Variants in LINGO2 observed in about 807,000 individuals in gnomAD.
The protein encoded by LINGO2 is leucine-rich repeat and immunoglobulin-like domain-containing nogo receptor-interacting protein 2.
LINGO2 carries 14 observed loss-of-function variants against 30.6 expected under a neutral mutation model. That is an observed-to-expected ratio of 0.46 (90% confidence interval 0.30 to 0.72). LINGO2 has a LOEUF of 0.72. Among genes scored for constraint, LINGO2 ranks in the 30% least tolerant of loss-of-function variants. The pLI, the probability that LINGO2 is intolerant of heterozygous loss-of-function variation, is 0.07. For synonymous variants in LINGO2, 317 were observed against 288.5 expected (o/e 1.10, Z -1.00); for missense variants, 729 against 751.7 (o/e 0.97, Z 0.35).
intron 4 of LINGO2, among the ~76,000 whole-genome samples, chr9:28,054,059 G>C (rs1824802677): frequency 6.8e-6 from 1 of 146,292 alleles, no homozygotes; most frequent in African/African-American, 2.7e-5. Context: ...AGCCCAGCTA[G>C]CAGACAAAAA....
the LINGO2 span, among the ~76,000 whole-genome samples, chr9:29,139,133 A>T: frequency 6.6e-6 from 1 of 152,192 alleles, no homozygotes; most frequent in Admixed American, 6.6e-5. Flanking sequence ...TCCAGCCAAC[A>T]TCAAGAAAGA....
the LINGO2 span, among the ~76,000 whole-genome samples, chr9:29,001,159 G>C: frequency 6.6e-6 from 1 of 151,660 alleles, no homozygotes; most frequent in African/African-American, 2.4e-5. Flanking sequence ...ACTTACTCTG[G>C]ATCATAGTCA....
the LINGO2 span, among the ~76,000 whole-genome samples, chr9:29,201,681 T>A: frequency 6.6e-6 from 1 of 152,164 alleles, no homozygotes; most frequent in South Asian, 2.1e-4. Context: ...AGAAAAGTGA[T>A]GTAAATTATT....
At chr9:27,970,548 G>A (rs1480738719) in intron 5 of LINGO2, among the ~76,000 whole-genome samples, 3 of 152,084 alleles carry the variant, frequency 2.0e-5, no homozygotes, top group Non-Finnish European at 4.4e-5. Context: ...TTACAGTAAG[G>A]GGTTTGCATT....
At chr9:29,153,021 C>T in the LINGO2 span, among the ~76,000 whole-genome samples, 1 of 151,964 alleles carries the variant, frequency 6.6e-6, no homozygotes, top group African/African-American at 2.4e-5. Flanking sequence ...AGGCATACGA[C>T]TACAGAGTTC....
the LINGO2 span, among the ~76,000 whole-genome samples, chr9:29,135,622 C>A: frequency 6.6e-6 from 1 of 151,002 alleles, no homozygotes; most frequent in Non-Finnish European, 1.5e-5. Flanking sequence ...TACATTTAGA[C>A]ATTTAACTTC....
chr9:28,586,446 C>G (rs948629100), intron 1 of LINGO2, among the ~76,000 whole-genome samples: 1 of 151,922 alleles, frequency 6.6e-6, no homozygotes. Flanking sequence ...CCTTTACAGC[C>G]TCCCCCATTT....
chr9:28,895,203 GA>G, the LINGO2 span, among the ~76,000 whole-genome samples: 107 of 152,008 alleles, frequency 7.0e-4, no homozygotes, highest in African/African-American at 2.5e-3. Flanking sequence ...AAGCCAGTTT[GA>G]AAAAAACAGT....
the LINGO2 span, among the ~76,000 whole-genome samples, chr9:29,075,615 G>A: frequency 6.6e-6 from 1 of 151,762 alleles, no homozygotes. Context: ...TCATCTCATT[G>A]GCAAAATGAT....
At chr9:28,806,020 G>A in the LINGO2 span, among the ~76,000 whole-genome samples, 2 of 152,096 alleles carry the variant, frequency 1.3e-5, no homozygotes, top group Non-Finnish European at 2.9e-5. Context: ...CACAGAATGT[G>A]TATGAAAATG....
At chr9:28,689,909 A>T in the LINGO2 span, among the ~76,000 whole-genome samples, 704 of 152,248 alleles carry the variant, frequency 4.6e-3, 6 homozygotes, top group Non-Finnish European at 7.2e-3. Context: ...ATGAGATCAC[A>T]TCCTTTGTAG....
At chr9:28,627,508 C>A (rs1424624605) in intron 1 of LINGO2, among the ~76,000 whole-genome samples, 1 of 152,010 alleles carries the variant, frequency 6.6e-6, no homozygotes, top group African/African-American at 2.4e-5. Flanking sequence ...CTTTTCTGCA[C>A]TAAAATATGG....
At chr9:28,815,034 A>T in the LINGO2 span, among the ~76,000 whole-genome samples, 23 of 151,740 alleles carry the variant, frequency 1.5e-4, no homozygotes, top group African/African-American at 5.1e-4. Flanking sequence ...TGAAAACTAA[A>T]GAGGAATTTT....
At chr9:28,830,271 A>G in the LINGO2 span, among the ~76,000 whole-genome samples, 1 of 152,146 alleles carries the variant, frequency 6.6e-6, no homozygotes, top group Admixed American at 6.5e-5. Flanking sequence ...ATGAAAGTTC[A>G]TTCCGGCAAT....
chr9:28,936,345 T>C, the LINGO2 span, among the ~76,000 whole-genome samples: 1 of 152,196 alleles, frequency 6.6e-6, no homozygotes, highest in Non-Finnish European at 1.5e-5. Flanking sequence ...AAGTCCATGA[T>C]CTGAGCAGGA....
chr9:28,566,012 T>A (rs544033180), intron 1 of LINGO2, among the ~76,000 whole-genome samples: 1 of 152,096 alleles, frequency 6.6e-6, no homozygotes, highest in African/African-American at 2.4e-5. Flanking sequence ...TTTGTGAAAC[T>A]TTTTTTCATT....
At chr9:28,378,933 A>C (rs1435879523) in intron 2 of LINGO2, among the ~76,000 whole-genome samples, 1 of 152,128 alleles carries the variant, frequency 6.6e-6, no homozygotes, top group Non-Finnish European at 1.5e-5. Flanking sequence ...AGTGACTGTC[A>C]GTACACAGTA....
intron 1 of LINGO2, among the ~76,000 whole-genome samples, chr9:28,625,803 A>T (rs1048320669): frequency 2.0e-5 from 3 of 152,034 alleles, no homozygotes; most frequent in Non-Finnish European, 2.9e-5. Context: ...TCTCTTAGTC[A>T]CTGTTTGCAT....
the LINGO2 span, among the ~76,000 whole-genome samples, chr9:28,989,905 G>A: frequency 6.6e-6 from 1 of 152,188 alleles, no homozygotes; most frequent in Non-Finnish European, 1.5e-5. Flanking sequence ...TAAAGACTGT[G>A]AAGTGAGCCA....
Sources: gnomAD v4.1 joint callset for allele counts (sites outside exome capture counted in the v4.1 genomes callset) on GRCh38, gnomAD v4.1.1 for gene constraint, MANE v1.5 for transcripts, NCBI Gene and HGNC (gene_info 2026-07-23, HGNC 2026-07-21) for gene names.